Variants in TMEM272 observed in about 807,000 individuals in gnomAD.
The protein encoded by TMEM272 is long intergenic non-protein coding RNA 282.
Under a neutral mutation model 3.7 loss-of-function variants are expected in TMEM272, and 8 were observed. That is an observed-to-expected ratio of 2.17 (90% CI 1.27 to 3.91). TMEM272 has a LOEUF of 3.91. Among genes scored for constraint, TMEM272 ranks in the 30% most tolerant of loss-of-function variants. The pLI is 0.00. For missense variants in TMEM272, 166 were observed against 91.5 expected (o/e 1.81, Z -3.32); for synonymous variants, 63 against 39.8 (o/e 1.58, Z -2.20).
At chr13:51,884,172 T>C in the TMEM272 span, among the ~76,000 whole-genome samples, 1 of 152,188 alleles carries the variant, frequency 6.6e-6, no homozygotes, top group Admixed American at 6.5e-5. Context: ...TAGTTAAGGT[T>C]TGCTTCTAGA....
chr13:51,920,504 A>G, the TMEM272 span, among the ~76,000 whole-genome samples: 2 of 152,162 alleles, frequency 1.3e-5, no homozygotes, highest in Non-Finnish European at 2.9e-5. Context: ...GCTTTGCAAT[A>G]AAGTGTCAAC....
the TMEM272 span, among the ~76,000 whole-genome samples, chr13:51,888,639 C>CTTTTTTTT: frequency 4.3e-4 from 33 of 76,788 alleles, no homozygotes; most frequent in Non-Finnish European, 6.9e-4. Flanking sequence ...TTTTCTTTTT[C>CTTTTTTTT]TTTTTTTTTT....
At chr13:51,900,652 G>A in the TMEM272 span, among the ~76,000 whole-genome samples, 1 of 152,082 alleles carries the variant, frequency 6.6e-6, no homozygotes, top group East Asian at 1.9e-4. Context: ...ACAAAGACTT[G>A]TATGCAAATG....
chr13:51,879,986 T>C, the TMEM272 span, among the ~76,000 whole-genome samples: 1 of 151,942 alleles, frequency 6.6e-6, no homozygotes, highest in South Asian at 2.1e-4. Flanking sequence ...GCAAAAAGAG[T>C]CAGATGCTCC....
chr13:51,881,894 G>C, the TMEM272 span, among the ~76,000 whole-genome samples: 1 of 152,128 alleles, frequency 6.6e-6, no homozygotes, highest in Non-Finnish European at 1.5e-5. Flanking sequence ...CACCCCAAAA[G>C]AACTAAAACA....
At chr13:51,897,941 A>AAAAAAG in the TMEM272 span, among the ~76,000 whole-genome samples, 1 of 147,968 alleles carries the variant, frequency 6.8e-6, no homozygotes, top group Admixed American at 6.7e-5. Flanking sequence ...AAAAAAAAAA[A>AAAAAAG]GGGCTGGGCG....
the TMEM272 span, among the ~76,000 whole-genome samples, chr13:51,885,314 G>T: frequency 6.6e-6 from 1 of 152,170 alleles, no homozygotes; most frequent in African/African-American, 2.4e-5. Flanking sequence ...AATAAAAGAG[G>T]TTTAATTGAC....
chr13:51,827,995 G>A (rs1300373418), intron 2 of TMEM272, among the ~76,000 whole-genome samples: 1 of 152,188 alleles, frequency 6.6e-6, no homozygotes, highest in Admixed American at 6.5e-5. Flanking sequence ...AATTACTCTG[G>A]GGGTGGCTGG....
chr13:51,902,030 G>A, the TMEM272 span, among the ~76,000 whole-genome samples: 99,486 of 152,110 alleles, frequency 0.65, 33,105 homozygotes, highest in East Asian at 0.9. Context: ...TCCATGGAAA[G>A]GTCATGTAAT....
At chr13:51,829,933 A>G (rs1956158905) in intron 2 of TMEM272, among the ~76,000 whole-genome samples, 1 of 152,222 alleles carries the variant, frequency 6.6e-6, no homozygotes, top group African/African-American at 2.4e-5. Context: ...CCCCACATAG[A>G]GGATGTCCTC....
chr13:51,838,414 G>C, intron 2 of TMEM272, 59 bp downstream of exon 2: 1 of 702,904 alleles, frequency 1.4e-6, no homozygotes. Context: ...TAGCTCATCG[G>C]GTGATCCCAG....
chr13:51,839,472 C>A (rs1236909616), intron 1 of TMEM272, among the ~76,000 whole-genome samples: 1 of 152,116 alleles, frequency 6.6e-6, no homozygotes, highest in Admixed American at 6.5e-5. Context: ...CTGGGGCAGG[C>A]ATCCTTACTT....
At chr13:51,869,219 C>T in the TMEM272 span, among the ~76,000 whole-genome samples, 1 of 152,314 alleles carries the variant, frequency 6.6e-6, no homozygotes, top group South Asian at 2.1e-4. Context: ...GGAGCTGTGT[C>T]ATGATCAAGG....
At chr13:51,913,995 T>C in the TMEM272 span, among the ~76,000 whole-genome samples, 1 of 152,228 alleles carries the variant, frequency 6.6e-6, no homozygotes, top group African/African-American at 2.4e-5. Flanking sequence ...AAAGCTGACA[T>C]CTGTCAGGGA....
chr13:51,924,328 G>A, the TMEM272 span, among the ~76,000 whole-genome samples: 789 of 152,294 alleles, frequency 5.2e-3, 5 homozygotes, highest in African/African-American at 0.018. Flanking sequence ...GCCAAGGCAG[G>A]AGGATCACTT....
the TMEM272 span, among the ~76,000 whole-genome samples, chr13:51,887,541 A>C: frequency 6.6e-6 from 1 of 152,260 alleles, no homozygotes; most frequent in Non-Finnish European, 1.5e-5. Context: ...CAGACTGCCC[A>C]GGACAGACAG....
the TMEM272 span, among the ~76,000 whole-genome samples, chr13:51,931,938 A>G: frequency 1.3e-5 from 2 of 152,154 alleles, no homozygotes; most frequent in African/African-American, 4.8e-5. Flanking sequence ...ATAACGGACT[A>G]TGCCACCAGC....
the TMEM272 span, among the ~76,000 whole-genome samples, chr13:51,913,367 C>T: frequency 1.3e-5 from 2 of 152,248 alleles, no homozygotes; most frequent in South Asian, 2.1e-4. Flanking sequence ...ATAGTATTGG[C>T]GCCAAAGAAA....
chr13:51,852,181 G>C, the TMEM272 span, among the ~76,000 whole-genome samples: 11 of 152,166 alleles, frequency 7.2e-5, no homozygotes, highest in African/African-American at 2.4e-4. Context: ...TTGGATTTTT[G>C]CCAGTTTGAT....
Sources: gnomAD v4.1 joint callset for allele counts (sites outside exome capture counted in the v4.1 genomes callset) on GRCh38, gnomAD v4.1.1 for gene constraint, MANE v1.5 for transcripts, NCBI Gene and HGNC (gene_info 2026-07-23, HGNC 2026-07-21) for gene names.